SLC28A1: variants seen among roughly 807,000 people sequenced by gnomAD.
SLC28A1 encodes the protein sodium/nucleoside cotransporter 1.
SLC28A1 carries 64 observed loss-of-function variants against 74.8 expected under a neutral mutation model. The observed-to-expected ratio is 0.86, with a 90% CI of 0.70 to 1.05. SLC28A1 has a LOEUF of 1.05. Ranked by LOEUF, SLC28A1 falls within the 50% of genes least tolerant of loss-of-function variation. The pLI, the probability that SLC28A1 is intolerant of heterozygous loss-of-function variation, is 0.00. For missense variants in SLC28A1, 828 were observed against 822.8 expected (o/e 1.01, Z -0.08); for synonymous variants, 359 against 335.0 (o/e 1.07, Z -0.78).
chr15:84,956,471 C>CTTTT, the SLC28A1 span, among the ~76,000 whole-genome samples: 1 of 130,690 alleles, frequency 7.7e-6, no homozygotes, highest in African/African-American at 3.0e-5. Flanking sequence ...TTCTTTCCTT[C>CTTTT]TTTCTTTCTT....
the SLC28A1 span, among the ~76,000 whole-genome samples, chr15:84,953,379 C>T: frequency 6.6e-6 from 1 of 152,202 alleles, no homozygotes; most frequent in African/African-American, 2.4e-5. Flanking sequence ...GAGCTCTCAA[C>T]AGCTGGTGGG....
At chr15:84,969,369 C>T in the SLC28A1 span, among the ~76,000 whole-genome samples, 1 of 152,186 alleles carries the variant, frequency 6.6e-6, no homozygotes, top group Non-Finnish European at 1.5e-5. Context: ...CCCTGGCAAG[C>T]CTTCACGCTG....
chr15:84,902,338 G>C (rs1966763925), intron 6 of SLC28A1, among the ~76,000 whole-genome samples: 1 of 152,060 alleles, frequency 6.6e-6, no homozygotes, highest in South Asian at 2.1e-4. Flanking sequence ...AAATTAGCTG[G>C]GCATGGGGGT....
At chr15:84,907,612 C>A (rs1017470452) in intron 8 of SLC28A1, among the ~76,000 whole-genome samples, 1 of 152,174 alleles carries the variant, frequency 6.6e-6, no homozygotes, top group Non-Finnish European at 1.5e-5. Flanking sequence ...ATCAAGGGAA[C>A]TTCCCACCTC....
the SLC28A1 span, among the ~76,000 whole-genome samples, chr15:84,965,228 T>C: frequency 6.6e-6 from 1 of 152,208 alleles, no homozygotes; most frequent in Non-Finnish European, 1.5e-5. Context: ...GCACTTCTCC[T>C]TCCTCCCACC....
intron 9 of SLC28A1, among the ~76,000 whole-genome samples, chr15:84,913,127 A>G (rs543048423): frequency 9.3e-4 from 142 of 152,318 alleles, no homozygotes; most frequent in African/African-American, 3.2e-3. Flanking sequence ...ACAGCCAGAA[A>G]TGCAGCTACT....
intron 6 of SLC28A1, among the ~76,000 whole-genome samples, chr15:84,899,184 G>GAA (rs139497758): frequency 9.4e-5 from 14 of 148,488 alleles, no homozygotes; most frequent in Non-Finnish European, 1.8e-4. Context: ...CAGTAGCAGA[G>GAA]AAAAAAAAAA....
chr15:84,895,917 G>A (rs1965957251), intron 6 of SLC28A1: 1 of 1,003,250 alleles, frequency 1.0e-6, no homozygotes, highest in South Asian at 4.3e-5. Flanking sequence ...CCCAAAGTGA[G>A]ATCCACATAC....
chr15:84,909,799 C>T (rs1967862685), intron 9 of SLC28A1, among the ~76,000 whole-genome samples: 1 of 152,244 alleles, frequency 6.6e-6, no homozygotes, highest in Non-Finnish European at 1.5e-5. Context: ...GGGCTGCCCA[C>T]TCTGGTACAT....
downstream of SLC28A1, among the ~76,000 whole-genome samples, chr15:84,946,083 T>TGTGTATATA (rs1321419859): frequency 2.8e-5 from 1 of 36,224 alleles, no homozygotes; most frequent in African/African-American, 1.3e-4. Flanking sequence ...TGTGTGTATG[T>TGTGTATATA]TCATATATAT....
chr15:84,920,134 T>C (rs1969623352), intron 10 of SLC28A1, among the ~76,000 whole-genome samples: 1 of 152,106 alleles, frequency 6.6e-6, no homozygotes, highest in Admixed American at 6.6e-5. Flanking sequence ...GGGAAGCAGA[T>C]TTCATCTTGA....
intron 6 of SLC28A1, among the ~76,000 whole-genome samples, chr15:84,898,101 G>T (rs991641312): frequency 6.6e-6 from 1 of 151,020 alleles, no homozygotes; most frequent in East Asian, 2.0e-4. Flanking sequence ...AACATGGAGT[G>T]CAGGTGTCTT....
At chr15:84,950,370 T>A (rs971624698), downstream of SLC28A1, among the ~76,000 whole-genome samples, 34 of 151,510 alleles carry the variant, frequency 2.2e-4, no homozygotes, top group African/African-American at 8.0e-4. Context: ...TTTTTTTTTT[T>A]TTTTTTTTTT....
intron 9 of SLC28A1, among the ~76,000 whole-genome samples, chr15:84,914,499 GAAATGC>G (rs1968801659): frequency 6.6e-6 from 1 of 152,240 alleles, no homozygotes; most frequent in South Asian, 2.1e-4. Flanking sequence ...TGGTGGCTGG[GAAATGC>G]ATCTGCCTCT....
intron 15 of SLC28A1, chr15:84,938,384 A>G (rs1972206399): frequency 6.6e-6 from 1 of 152,076 alleles, no homozygotes; most frequent in Admixed American, 6.6e-5. Context: ...TTTATGGGGT[A>G]CATGAGGTGT....
chr15:84,947,090 T>A (rs569689208), downstream of SLC28A1, among the ~76,000 whole-genome samples: 69 of 152,252 alleles, frequency 4.5e-4, no homozygotes, highest in Admixed American at 6.5e-5. Flanking sequence ...TTGGTTCCAG[T>A]GGGCAGCAGC....
In SLC28A1 at chr15:84,915,613, C is replaced by T. The variant is rs150279517; in HGVS notation, c.796-2911C>T. Among the ~76,000 whole-genome samples the T allele has an allele frequency of 2.9e-3, 449 of 152,280 alleles. 4 individuals carry two copies. Among genetic ancestry groups the T allele is most frequent in the Non-Finnish European group, 3.1e-3 (210 of 68,014 alleles). ...AGTCCCCACGCTTCCTCTGACACTG[C>T]TCTCACCTAGATCATGGGTGCCTCC... is the stretch of plus-strand genomic sequence containing the variant. On this transcript the variant is annotated intron_variant, in intron 9 of 18. Transcript: ENST00000394573.
At chr15:84,939,537 A>G (rs1359937168) in intron 15 of SLC28A1, 2 of 152,012 alleles carry the variant, frequency 1.3e-5, no homozygotes, top group African/African-American at 4.8e-5. Context: ...CTTTTTTCTG[A>G]TATATTTTCT....
At chr15:84,920,910 T>A (rs1969754357) in intron 10 of SLC28A1, 79 bp from the exon 11 acceptor site, 1 of 1,111,038 alleles carries the variant, frequency 9.0e-7, no homozygotes, top group Non-Finnish European at 1.4e-6. Context: ...GGAAACTGTG[T>A]AAGGTCTTCC....
Sources: gnomAD v4.1 joint callset for allele counts (sites outside exome capture counted in the v4.1 genomes callset) on GRCh38, gnomAD v4.1.1 for gene constraint, MANE v1.5 for transcripts, NCBI Gene and HGNC (gene_info 2026-07-23, HGNC 2026-07-21) for gene names.